CRHR1: variants seen among roughly 807,000 people sequenced by gnomAD.
CRHR1 encodes the protein corticotropin-releasing hormone receptor 1.
Under a neutral mutation model 56.0 loss-of-function variants are expected in CRHR1, and 28 were observed. The ratio of observed to expected loss-of-function variants is 0.50; its 90% CI spans 0.37 to 0.69. The LOEUF is 0.69. CRHR1 is among the 30% of genes least tolerant of loss of function. CRHR1 has a pLI of 0.00. For missense variants in CRHR1, 376 were observed against 548.0 expected, an observed-to-expected ratio of 0.69 and a Z score of 3.13; for synonymous variants, 195 against 216.5, an observed-to-expected ratio of 0.90 and a Z score of 0.87.
chr17:45,803,757 C>CGCGT (rs1555650792), intron 1 of CRHR1, among the ~76,000 whole-genome samples: 1 of 129,452 alleles, frequency 7.7e-6, no homozygotes, highest in Non-Finnish European at 1.8e-5. Context: ...AGAGAGAGTG[C>CGCGT]GTGTGTGTGT....
At chr17:45,795,201 G>C (rs762848279) in intron 1 of CRHR1, among the ~76,000 whole-genome samples, 1 of 152,134 alleles carries the variant, frequency 6.6e-6, no homozygotes, top group Non-Finnish European at 1.5e-5. Flanking sequence ...ATCCAAGGTC[G>C]CACAGGGCAT....
intron 3 of CRHR1, among the ~76,000 whole-genome samples, chr17:45,819,463 G>T (rs939974734): frequency 2.0e-5 from 3 of 151,118 alleles, no homozygotes; most frequent in Non-Finnish European, 4.4e-5. Flanking sequence ...CCACCCCCGG[G>T]CCCCTTCCAG....
chr17:45,799,237 C>T (rs1314980655), intron 1 of CRHR1, among the ~76,000 whole-genome samples: 2 of 152,240 alleles, frequency 1.3e-5, no homozygotes, highest in Admixed American at 1.3e-4. Context: ...CTTGGCACTT[C>T]TGTAGCAAGA....
chr17:45,816,612 G>A, intron 3 of CRHR1, 30 bp downstream of exon 3: 1 of 1,613,606 alleles, frequency 6.2e-7, no homozygotes, highest in Non-Finnish European at 8.5e-7. Flanking sequence ...TGGACCATCT[G>A]CTGGGAGGTG....
chr17:45,828,948 A>C (rs762423312), intron 4 of CRHR1, among the ~76,000 whole-genome samples: 2 of 152,154 alleles, frequency 1.3e-5, no homozygotes, highest in Non-Finnish European at 2.9e-5. Context: ...CGGGGGGTCC[A>C]TGTGGAGTGG....
intron 8 of CRHR1, among the ~76,000 whole-genome samples, chr17:45,832,069 C>CAAAAAAACAAAA (rs67655301): frequency 0.14 from 21,063 of 150,494 alleles, 2,038 homozygotes; most frequent in Middle Eastern, 0.22. Context: ...AAAAAAAAAA[C>CAAAAAAACAAAA]AAAAAAACAA....
rs557084582 is a variant in CRHR1 at position 45,798,439 on chromosome 17, T to C, written c.34-8571T>C. Among the ~76,000 whole-genome samples, 218 of 149,986 alleles carry C rather than the reference T, an allele frequency of 1.5e-3. 1 individual carries two copies. Among genetic ancestry groups the C allele is most frequent in the African/African-American group, 5.2e-3 (212 of 40,382 alleles). On this transcript the variant is annotated intron_variant, in intron 1 of 12. Coordinates refer to ENST00000314537, the MANE Select transcript of CRHR1 (RefSeq NM_004382.5). ...TACTCAGGAGGCTGAGGCATGAGAA[T>C]CTCTTTAACCCAGGAGGTAGAGGTT...
intron 2 of CRHR1, among the ~76,000 whole-genome samples, chr17:45,814,092 C>T (rs1447093703): frequency 2.6e-5 from 4 of 152,158 alleles, no homozygotes; most frequent in African/African-American, 7.2e-5. Flanking sequence ...GAAGACTGGC[C>T]GGGGAAGGGA....
intron 3 of CRHR1, among the ~76,000 whole-genome samples, chr17:45,820,798 C>G (rs1598432636): frequency 6.6e-6 from 1 of 152,318 alleles, no homozygotes; most frequent in Admixed American, 6.5e-5. Context: ...CCCATGAACT[C>G]TGAGCCCCCA....
intron 5 of CRHR1, 52 bp from the exon 6 acceptor site, chr17:45,830,042 C>T: frequency 6.2e-7 from 1 of 1,610,936 alleles, no homozygotes; most frequent in Non-Finnish European, 8.5e-7. Flanking sequence ...TGGCCTACCC[C>T]TCATCCTCTC....
Position 45,829,527 on chromosome 17 carries a change from G to A in CRHR1, c.434+206G>A, listed in dbSNP as rs886351766. ...CCAGTAGCTGCTGGAATGGTGGGGA[G>A]GGACAAAACTTGTCTTATGTCACCC... On this transcript the variant is annotated intron_variant, in intron 5 of 12. Transcript: ENST00000314537. 3.3e-6 allele frequency: 5 copies of A among 1,534,202 alleles called. No homozygotes were observed. The African/African-American group carries it at 6.9e-5, about 21-fold the overall frequency.
intron 2 of CRHR1, among the ~76,000 whole-genome samples, chr17:45,808,726 G>T (rs2061764942): frequency 6.6e-6 from 1 of 152,216 alleles, no homozygotes; most frequent in Non-Finnish European, 1.5e-5. Context: ...ATAGTTTAGT[G>T]CAGCCTCGAT....
At chr17:45,793,917 G>A (rs1340033630) in intron 1 of CRHR1, among the ~76,000 whole-genome samples, 3 of 152,176 alleles carry the variant, frequency 2.0e-5, no homozygotes, top group Non-Finnish European at 4.4e-5. Flanking sequence ...TGCTGCAAGG[G>A]GCCTGCTCCC....
At chr17:45,798,153 C>T (rs2061554612) in intron 1 of CRHR1, among the ~76,000 whole-genome samples, 1 of 152,202 alleles carries the variant, frequency 6.6e-6, no homozygotes, top group African/African-American at 2.4e-5. Flanking sequence ...CATCTGTTCA[C>T]TTATTCATTC....
In CRHR1 at chr17:45,784,475, C is replaced by A; in HGVS notation, c.-70C>A. ...CACCCCGTGCCGCCCGAGCCCGCAG[C>A]CGCCCGCCGGTCCCTCTGGGATGTC... On this transcript the variant is annotated 5_prime_UTR_variant, in exon 1 of 13. Transcript: ENST00000314537. The surrounding 1 kb of genome is among the most constrained non-coding windows in gnomAD (Gnocchi z 4.2). 4 of 1,444,762 alleles carry A rather than the reference C, an allele frequency of 2.8e-6. No individual in the cohort carries two copies. Among genetic ancestry groups the A allele is most frequent in the Non-Finnish European group, 3.7e-6 (4 of 1,086,206 alleles). 89.5% of individuals were successfully genotyped at this position (1,444,762 alleles called of 1,614,324 possible).
chr17:45,784,647 G>A lies in CRHR1; in HGVS notation c.33+70G>A. ...CCTGGCGGACGCGGGACGGGGCTGG[G>A]CTGTGGGTGTGATGGGGGCGGGGGC... On this transcript the variant is annotated intron_variant, in intron 1 of 12. Transcript: ENST00000314537. This position sits in a 1 kb window ranked among gnomAD's most constrained non-coding sequence, Gnocchi z 4.2. 1 of 1,460,996 alleles carries A rather than the reference G, an allele frequency of 6.8e-7. No homozygotes were observed. 90.5% of individuals were successfully genotyped at this position (1,460,996 alleles called of 1,614,324 possible).
rs1477674656 is a variant in CRHR1, at chr17:45,829,226, G to A, written c.339G>A (p.Lys113=). The A allele has an allele frequency of 6.2e-7, 1 of 1,613,762 alleles. No homozygotes were observed. Among genetic ancestry groups the A allele is most frequent in the Non-Finnish European group, 8.5e-7 (1 of 1,179,948 alleles). ...QEILNEEKKS[K]VHYHVAVIIN... is the part of the protein sequence containing the mutation. ...CTCTCCTGCTCCAGAAAAAAAGCAA[G>A]GTGCACTACCATGTCGCAGTCATCA... Residue 113 remains lysine (K), a synonymous_variant, in exon 5 of 13, where the codon AAG becomes AAA. Coordinates refer to ENST00000314537, the MANE Select transcript of CRHR1 (RefSeq NM_004382.5).
Position 45,835,786 on chromosome 17 carries a change from G to C in CRHR1, c.*1022G>C, listed in dbSNP as rs2062424847. ...TAGAAGATGAGGGTGTCGGCTGTGA[G>C]GCGGGTGGCTGGTATAAATAATATT... On this transcript the variant is annotated 3_prime_UTR_variant, in exon 13 of 13. Coordinates refer to ENST00000314537, the MANE Select transcript of CRHR1 (RefSeq NM_004382.5). The C allele has an allele frequency of 6.6e-6, 1 of 152,392 alleles. No individual in the cohort carries two copies. Among genetic ancestry groups the C allele is most frequent in the Non-Finnish European group, 1.5e-5 (1 of 68,168 alleles). 9.4% of individuals were successfully genotyped at this position (152,392 alleles called of 1,614,324 possible).
At chr17:45,813,221 C>T (rs945632095) in intron 2 of CRHR1, among the ~76,000 whole-genome samples, 2 of 152,202 alleles carry the variant, frequency 1.3e-5, no homozygotes, top group African/African-American at 4.8e-5. Flanking sequence ...TGTCCTGCTG[C>T]CTCCTCCCTG....
Sources: allele counts gnomAD v4.1 joint callset (sites outside exome capture counted in the v4.1 genomes callset), GRCh38; gene constraint gnomAD v4.1.1; non-coding constraint Gnocchi (gnomAD v3.1); transcripts MANE v1.5; gene names NCBI Gene and HGNC (gene_info 2026-07-23, HGNC 2026-07-21).